NME7: variants seen among roughly 807,000 people sequenced by gnomAD.
NME7 encodes nucleoside diphosphate kinase 7.
In NME7, 41 loss-of-function variants were observed where a neutral mutation model predicts 49.1. The observed-to-expected ratio is 0.83, with a 90% CI of 0.65 to 1.08. NME7 has a LOEUF of 1.08. Among genes scored for constraint, NME7 ranks in the 50% least tolerant of loss-of-function variants. NME7 has a pLI of 0.00. For missense variants in NME7, 423 were observed against 463.4 expected (o/e 0.91, Z 0.80); for synonymous variants, 139 against 150.6 (o/e 0.92, Z 0.56).
chr1:169,273,544 C>T lies in NME7; in HGVS notation c.754+13759G>A, dbSNP rs1476634053. Among the ~76,000 whole-genome samples the T allele has an allele frequency of 2.0e-3, 245 of 122,412 alleles. 1 individual carries two copies. The highest frequency in any genetic ancestry group is 3.3e-3 in the Non-Finnish European group (167 of 50,732). 80.3% of individuals were successfully genotyped at this position (122,412 alleles called of 152,430 possible). ...GTTACATATGTATACATGTGCCATG[C>T]TGGTGTGCTGCACCCATTGACTCGT... On this transcript the variant is annotated intron_variant, in intron 7 of 11. Coordinates refer to ENST00000367811, the MANE Select transcript of NME7 (RefSeq NM_013330.5).
intron 3 of NME7, among the ~76,000 whole-genome samples, chr1:169,318,851 A>G (rs1483605979): frequency 6.6e-6 from 1 of 152,062 alleles, no homozygotes; most frequent in Non-Finnish European, 1.5e-5. Context: ...TGACTCTGAG[A>G]AAAAATAGCC....
chr1:169,208,591 C>T (rs1384269747), intron 10 of NME7, among the ~76,000 whole-genome samples: 1 of 151,988 alleles, frequency 6.6e-6, no homozygotes, highest in Non-Finnish European at 1.5e-5. Flanking sequence ...GTAAAACTTT[C>T]CAGAAGAAAG....
rs548139960 is a variant in NME7 at position 169,254,072 on chromosome 1, C to T, written c.755-16385G>A. ...GGCTTTGGTATCAGAATGATGCTGGCCTCATAAAATGAGTTAGGGAGGATT... is the reference window on the plus strand; with the variant it reads ...GGCTTTGGTATCAGAATGATGCTGGTCTCATAAAATGAGTTAGGGAGGATT... On this transcript the variant is annotated intron_variant, in intron 7 of 11. Transcript: ENST00000367811. Among the ~76,000 whole-genome samples the T allele has an allele frequency of 9.4e-3, 1,411 of 150,730 alleles. 15 individuals carry two copies. The highest frequency in any genetic ancestry group is 0.016 in the Non-Finnish European group (1,074 of 67,524).
intron 11 of NME7, among the ~76,000 whole-genome samples, chr1:169,165,583 T>C (rs1236323353): frequency 6.6e-6 from 1 of 152,200 alleles, no homozygotes; most frequent in African/African-American, 2.4e-5. Flanking sequence ...GGCAATAAAT[T>C]TTATGGTCAC....
At chr1:169,231,576 A>G (rs1013668888) in intron 9 of NME7, among the ~76,000 whole-genome samples, 4 of 152,232 alleles carry the variant, frequency 2.6e-5, no homozygotes, top group Admixed American at 2.6e-4. Flanking sequence ...GTCTTTGGCT[A>G]CTAATCTGTC....
At chr1:169,172,407 C>CT (rs1437887404) in intron 10 of NME7, among the ~76,000 whole-genome samples, 2 of 151,120 alleles carry the variant, frequency 1.3e-5, no homozygotes, top group Non-Finnish European at 2.9e-5. Context: ...GAGATTTACT[C>CT]TTTAAAACAA....
In NME7 at chr1:169,323,211, T is replaced by C. The variant is rs1333755411; in HGVS notation, c.184A>G (p.Ile62Val). 4 of 1,608,880 alleles carry C rather than the reference T, an allele frequency of 2.5e-6. No individual in the cohort carries two copies. The highest frequency in any genetic ancestry group is 3.4e-6 in the Non-Finnish European group (4 of 1,177,686). Residue 62 changes from isoleucine to valine, a missense_variant, in exon 3 of 12, where the codon ATA becomes GTA. Transcript: ENST00000367811. ...YDNLHLEDLF[I>V]GNKVNVFSRQ... The stretch of plus-strand genomic sequence containing the variant: ...GAAAAGACATTCACTTTGTTGCCTA[T>C]AAATAAATCTTCCAAGTGCAGGTTA...
At chr1:169,255,256 G>A (rs1450437649) in intron 7 of NME7, among the ~76,000 whole-genome samples, 1 of 138,956 alleles carries the variant, frequency 7.2e-6, no homozygotes, top group Non-Finnish European at 1.6e-5. Context: ...TCCTGTATTG[G>A]GTGCAATATA....
chr1:169,330,706 C>T lies in NME7; in HGVS notation c.4-6206G>A, dbSNP rs535995455. On this transcript the variant is annotated intron_variant, in intron 1 of 11. Coordinates refer to ENST00000367811, the MANE Select transcript of NME7 (RefSeq NM_013330.5). The stretch of plus-strand genomic sequence containing the variant: ...ATAAATAAATAAATAAAATCCATTA[C>T]AAATGTTACTGGAGAAATTAAAAAA... 5.6e-4 allele frequency among the ~76,000 whole-genome samples: 85 copies of T among 151,996 alleles called. No individual in the cohort carries two copies. In the South Asian group the frequency reaches 5.6e-3, roughly 10 times the overall value.
chr1:169,342,506 C>CAT (rs201398914), intron 1 of NME7, among the ~76,000 whole-genome samples: 3 of 103,642 alleles, frequency 2.9e-5, no homozygotes, highest in East Asian at 2.7e-4. Flanking sequence ...TATACAAGTA[C>CAT]ATATATATAT....
intron 7 of NME7, among the ~76,000 whole-genome samples, chr1:169,273,022 T>C (rs1265232497): frequency 7.5e-6 from 1 of 134,208 alleles, no homozygotes; most frequent in Non-Finnish European, 1.8e-5. Flanking sequence ...CATTGTGGTT[T>C]TGACTTGCAT....
chr1:169,308,582 T>C (rs1651269039), intron 4 of NME7, among the ~76,000 whole-genome samples: 1 of 152,198 alleles, frequency 6.6e-6, no homozygotes, highest in South Asian at 2.1e-4. Flanking sequence ...AATGTTTCAG[T>C]CTTTGCTTTG....
chr1:169,197,974 G>C (rs1174018644), intron 10 of NME7, among the ~76,000 whole-genome samples: 1 of 151,826 alleles, frequency 6.6e-6, no homozygotes, highest in Non-Finnish European at 1.5e-5. Flanking sequence ...CTCTGATAAG[G>C]GACTTTTATT....
chr1:169,158,159 A>G (rs1659135314), intron 11 of NME7, among the ~76,000 whole-genome samples: 1 of 152,170 alleles, frequency 6.6e-6, no homozygotes, highest in African/African-American at 2.4e-5. Flanking sequence ...GTGCCCCCTT[A>G]TAAGTGGGGA....
chr1:169,355,468 A>G (rs1442067245), intron 1 of NME7, among the ~76,000 whole-genome samples: 1 of 148,694 alleles, frequency 6.7e-6, no homozygotes, highest in African/African-American at 2.5e-5. Context: ...TAAGCCTTGT[A>G]TGATCTGGTC....
At chr1:169,210,483 G>T (rs111473282) in intron 10 of NME7, among the ~76,000 whole-genome samples, 1,858 of 152,236 alleles carry the variant, frequency 0.012, 48 homozygotes, top group African/African-American at 0.042. Flanking sequence ...CCCCGTGGGG[G>T]TTGGAACATT....
At chr1:169,224,077 T>C (rs541314292) in intron 10 of NME7, among the ~76,000 whole-genome samples, 142 of 152,322 alleles carry the variant, frequency 9.3e-4, no homozygotes, top group Non-Finnish European at 1.4e-3. Context: ...CCCATGAAGA[T>C]GCTCTTCTCA....
intron 1 of NME7, among the ~76,000 whole-genome samples, chr1:169,337,149 G>C (rs986691396): frequency 6.6e-6 from 1 of 152,180 alleles, no homozygotes; most frequent in Non-Finnish European, 1.5e-5. Flanking sequence ...GGGGAGGCTC[G>C]GGCTGCACAG....
chr1:169,170,392 G>T (rs182893978), intron 10 of NME7, among the ~76,000 whole-genome samples: 34 of 152,270 alleles, frequency 2.2e-4, no homozygotes, highest in Non-Finnish European at 4.7e-4. Flanking sequence ...ATTCTGAGCA[G>T]CACTCACATT....
Sources: allele counts gnomAD v4.1 joint callset (sites outside exome capture counted in the v4.1 genomes callset), GRCh38; gene constraint gnomAD v4.1.1; transcripts MANE v1.5; gene names NCBI Gene and HGNC (gene_info 2026-07-23, HGNC 2026-07-21).